Variants in EXOC5 observed in about 807,000 individuals in gnomAD.
EXOC5 encodes exocyst complex component 5.
In EXOC5, 17 loss-of-function variants were observed where a neutral mutation model predicts 90.8. That is an observed-to-expected ratio of 0.19 (90% CI 0.13 to 0.28). The LOEUF is 0.28. EXOC5 is among the 10% of genes least tolerant of loss of function. The pLI, the probability that EXOC5 is intolerant of heterozygous loss-of-function variation, is 1.00. For missense variants in EXOC5, 569 were observed against 830.6 expected (o/e 0.69, Z 3.87); for synonymous variants, 260 against 270.0 (o/e 0.96, Z 0.36).
At chr14:57,228,192 G>C (rs1233486584) in intron 12 of EXOC5, among the ~76,000 whole-genome samples, 2 of 152,156 alleles carry the variant, frequency 1.3e-5, no homozygotes, top group Admixed American at 1.3e-4. Context: ...TCATTAAACA[G>C]TCAGGAAACA....
intron 1 of EXOC5, among the ~76,000 whole-genome samples, chr14:57,251,155 G>C (rs1371135020): frequency 1.3e-5 from 2 of 152,174 alleles, no homozygotes; most frequent in Non-Finnish European, 2.9e-5. Flanking sequence ...TGGTAATTTT[G>C]GTCAATTTCA....
In EXOC5 at chr14:57,229,643, G is replaced by A. The variant is rs1883416648; in HGVS notation, c.1296+91C>T. 1.0e-5 allele frequency: 9 copies of A among 874,060 alleles called. No homozygotes were observed. In the East Asian group the frequency reaches 1.1e-4, roughly 11 times the overall value. 54.1% of individuals were successfully genotyped at this position (874,060 alleles called of 1,614,324 possible). On this transcript the variant is annotated intron_variant, in intron 12 of 17. Coordinates refer to ENST00000621441, the MANE Select transcript of EXOC5 (RefSeq NM_006544.4). ...TTATATAGCAGACTTGAGCATCCAC[G>A]ATTTTGGTATCCTCGGAGGTTCTGG...
intron 1 of EXOC5, among the ~76,000 whole-genome samples, chr14:57,251,996 A>C (rs574229819): frequency 6.6e-6 from 1 of 152,320 alleles, no homozygotes; most frequent in South Asian, 2.1e-4. Flanking sequence ...AAATCTACCA[A>C]GGCTAAATCC....
At chr14:57,209,450 T>C (rs1306229806) in intron 17 of EXOC5, 117 bp downstream of exon 17, 7 of 591,966 alleles carry the variant, frequency 1.2e-5, no homozygotes, top group Middle Eastern at 2.8e-4. Flanking sequence ...ATCTATCTCA[T>C]ACAATATCAA....
At position 57,246,764 on chromosome 14, in the gene EXOC5, T is replaced by C; in HGVS notation, c.217A>G (p.Lys73Glu). The C allele has an allele frequency of 6.2e-7, 1 of 1,611,074 alleles. No homozygotes were observed. Among genetic ancestry groups the C allele is most frequent in the Non-Finnish European group, 8.5e-7 (1 of 1,179,218 alleles). ...KVEKLEQQCQ[K>E]EAKEFAKKVQ... ...TTCTTGGCAAATTCCTTGGCTTCTT[T>C]CTGACATTGTTGCTCTAGTTTCTCT... is the stretch of plus-strand genomic sequence containing the variant. Residue 73 changes from lysine to glutamate, a missense_variant, in exon 3 of 18, where the codon AAA (lysine) becomes GAA (glutamate). Around this residue, in one of 9 missense-constraint regions of EXOC5, gnomAD observed 45 missense variants for 44.6 expected, o/e 1.01. Transcript: ENST00000621441.
chr14:57,228,938 TG>T (rs1485374507), intron 12 of EXOC5, among the ~76,000 whole-genome samples: 5 of 152,200 alleles, frequency 3.3e-5, no homozygotes, highest in African/African-American at 1.2e-4. Flanking sequence ...TACAATCTTT[TG>T]CTAGTAGTAT....
chr14:57,233,975 A>G lies in EXOC5; in HGVS notation c.714+13T>C, dbSNP rs1883569380. On this transcript the variant is annotated intron_variant, in intron 8 of 17. Transcript: ENST00000621441. ...CATAAAATAATATCCAACAAAGTGTACTGTTATGTTACCTCCTGGCACTGC... is the reference window on the plus strand; with the variant it reads ...CATAAAATAATATCCAACAAAGTGTGCTGTTATGTTACCTCCTGGCACTGC... 1.3e-6 allele frequency: 2 copies of G among 1,598,190 alleles called. No homozygotes were observed. The highest frequency in any genetic ancestry group is 1.1e-5 in the South Asian group (1 of 90,678).
At chr14:57,222,786 CACACACACACAT>C (rs945726096) in intron 12 of EXOC5, among the ~76,000 whole-genome samples, 30 of 149,238 alleles carry the variant, frequency 2.0e-4, no homozygotes, top group African/African-American at 4.2e-4. Flanking sequence ...TATATGTATA[CACACACACACAT>C]ACACACACAC....
At chr14:57,211,080 GTC>G (rs34581729) in intron 15 of EXOC5, among the ~76,000 whole-genome samples, 5,194 of 152,242 alleles carry the variant, frequency 0.034, 302 homozygotes, top group African/African-American at 0.12. Flanking sequence ...TGTCTTAGAA[GTC>G]TCTGTTTGAT....
chr14:57,217,711 A>G (rs971225678), intron 15 of EXOC5, among the ~76,000 whole-genome samples: 2 of 152,152 alleles, frequency 1.3e-5, no homozygotes, highest in African/African-American at 2.4e-5. Context: ...AAAACGTCAC[A>G]TATTTCTCAC....
intron 15 of EXOC5, among the ~76,000 whole-genome samples, chr14:57,216,519 G>A (rs555902268): frequency 6.6e-6 from 1 of 152,174 alleles, no homozygotes; most frequent in Non-Finnish European, 1.5e-5. Context: ...TAACAAGGGT[G>A]CCAAGAACAC....
At position 57,207,356 on chromosome 14, in the gene EXOC5, C is replaced by A. The variant is rs562022245; in HGVS notation, c.*1253G>T. On this transcript the variant is annotated 3_prime_UTR_variant, in exon 18 of 18. Transcript: ENST00000621441. ...TGTTCCTAGAAGACTATGAACACCA[C>A]AATGGGAGCTGAAACACTATATATA... 3.9e-4 allele frequency: 60 copies of A among 152,598 alleles called. 1 individual carries two copies. The highest frequency in any genetic ancestry group is 1.4e-3 in the African/African-American group (60 of 41,568). 9.5% of individuals were successfully genotyped at this position (152,598 alleles called of 1,614,324 possible).
At chr14:57,251,442 T>A (rs550930566) in intron 1 of EXOC5, among the ~76,000 whole-genome samples, 1 of 152,184 alleles carries the variant, frequency 6.6e-6, no homozygotes, top group Non-Finnish European at 1.5e-5. Context: ...TTTAAGTAAA[T>A]GGATCAAAGA....
At chr14:57,262,208 T>C (rs773531464) in intron 1 of EXOC5, among the ~76,000 whole-genome samples, 2 of 152,150 alleles carry the variant, frequency 1.3e-5, no homozygotes, top group Non-Finnish European at 2.9e-5. Context: ...ACTCTCTTAA[T>C]AGTATGCTTC....
In EXOC5 at chr14:57,268,734, G is replaced by A; in HGVS notation, c.-86C>T. 1 of 1,503,740 alleles carries A rather than the reference G, an allele frequency of 6.7e-7. No homozygotes were observed. 93.1% of individuals were successfully genotyped at this position (1,503,740 alleles called of 1,614,324 possible). On this transcript the variant is annotated 5_prime_UTR_variant, in exon 1 of 18. Transcript: ENST00000621441. ...TCAGAGGCGCGGCGCACAGGTCTCC[G>A]CTCGGCTCGCCAGCTCCGGCTCCGG...
In EXOC5 at chr14:57,266,664, A is replaced by C. The variant is rs10151159; in HGVS notation, c.27+1958T>G. Among the ~76,000 whole-genome samples, 598 of 151,544 alleles carry C rather than the reference A, an allele frequency of 3.9e-3. 7 individuals are homozygous for C. The highest frequency in any genetic ancestry group is 0.014 in the African/African-American group (559 of 41,314). ...ATCTTACTGGCTACCATGTAACTAG[A>C]GTCACTAAATTACATTATATATATG... On this transcript the variant is annotated intron_variant, in intron 1 of 17. Transcript: ENST00000621441.
At chr14:57,218,660 T>G (rs550107242) in intron 14 of EXOC5, among the ~76,000 whole-genome samples, 41 of 152,194 alleles carry the variant, frequency 2.7e-4, no homozygotes, top group African/African-American at 9.9e-4. Flanking sequence ...CCTTTCAAAG[T>G]ATGATTCAGG....
intron 15 of EXOC5, among the ~76,000 whole-genome samples, chr14:57,216,689 GAAGAAAACGT>G (rs1882985573): frequency 6.6e-6 from 1 of 152,090 alleles, no homozygotes; most frequent in African/African-American, 2.4e-5. Flanking sequence ...AAAACTAGTA[GAAGAAAACGT>G]AAGAAAAAAG....
chr14:57,247,320 T>A (rs1279105129), intron 2 of EXOC5, among the ~76,000 whole-genome samples: 2 of 152,212 alleles, frequency 1.3e-5, no homozygotes, highest in Non-Finnish European at 2.9e-5. Flanking sequence ...TAAAACAATG[T>A]ATTTAATGTT....
Sources: gnomAD v4.1 joint callset for allele counts (sites outside exome capture counted in the v4.1 genomes callset) on GRCh38, gnomAD v4.1.1 for gene constraint, gnomAD v4.1.1 regional missense constraint, MANE v1.5 for transcripts, NCBI Gene and HGNC (gene_info 2026-07-23, HGNC 2026-07-21) for gene names.